CDH13: variants seen among roughly 807,000 people sequenced by gnomAD.
The protein encoded by CDH13 is cadherin-13.
A neutral mutation model predicts 63.8 loss-of-function variants in CDH13; 24 were observed. The ratio of observed to expected loss-of-function variants is 0.38; its 90% CI spans 0.27 to 0.53. The LOEUF (loss-of-function observed/expected upper bound fraction) is 0.53. Ranked by LOEUF, CDH13 falls within the 20% of genes least tolerant of loss-of-function variation. The pLI is 0.85. For missense variants in CDH13, 1,049 were observed against 903.1 expected, an observed-to-expected ratio of 1.16 and a Z score of -2.07; for synonymous variants, 503 against 355.3, an observed-to-expected ratio of 1.42 and a Z score of -4.67.
intron 4 of CDH13, among the ~76,000 whole-genome samples, chr16:83,158,256 G>A (rs375171480): frequency 5.3e-5 from 8 of 152,104 alleles, no homozygotes; most frequent in East Asian, 1.9e-4. Context: ...TATGTTCTTC[G>A]CTTTCTCCTT....
At chr16:83,285,135 T>C (rs882597) in intron 5 of CDH13, among the ~76,000 whole-genome samples, 94,605 of 151,852 alleles carry the variant, frequency 0.62, 29,931 homozygotes, top group South Asian at 0.71. Flanking sequence ...AGGACCAGAG[T>C]ATCGATGTGA....
chr16:83,668,063 G>T lies in CDH13; in HGVS notation c.1102-2727G>T, dbSNP rs113861002. Among the ~76,000 whole-genome samples, 331 of 152,248 alleles carry T rather than the reference G, an allele frequency of 2.2e-3. 2 individuals carry two copies. Among genetic ancestry groups the T allele is most frequent in the African/African-American group, 7.4e-3 (309 of 41,542 alleles). ...CACCAGCCATGACGCAGCTCTGCTG[G>T]AGCACAGGGAAGATCAGTCCATCCC... On this transcript the variant is annotated intron_variant, in intron 8 of 13. Coordinates refer to ENST00000567109, the MANE Select transcript of CDH13 (RefSeq NM_001257.5).
intron 2 of CDH13, among the ~76,000 whole-genome samples, chr16:82,988,345 A>G (rs1329680121): frequency 6.6e-6 from 1 of 152,134 alleles, no homozygotes; most frequent in East Asian, 1.9e-4. Flanking sequence ...TTGGCAAATC[A>G]GTGAAAGATG....
chr16:83,500,293 TCTCC>T (rs1282285830), intron 7 of CDH13, among the ~76,000 whole-genome samples: 56 of 1,798 alleles, frequency 0.031, 5 homozygotes, highest in South Asian at 0.5. Context: ...TTCTTCTTCT[TCTCC>T]TTCTCCTTCT....
At position 83,288,361 on chromosome 16, in the gene CDH13, C is replaced by G. The variant is rs575857180; in HGVS notation, c.637-56501C>G. Among the ~76,000 whole-genome samples, 4 of 152,318 alleles carry G rather than the reference C, an allele frequency of 2.6e-5. No homozygotes were observed. The East Asian group carries it at 5.8e-4, about 22-fold the overall frequency. On this transcript the variant is annotated intron_variant, in intron 5 of 13. Transcript: ENST00000567109. ...ATGGAAGAGCAAAGAGGTTAAATGACTAGCCCAAGGTCTACATGAGGTGGA... is the reference window on the plus strand; with the variant it reads ...ATGGAAGAGCAAAGAGGTTAAATGAGTAGCCCAAGGTCTACATGAGGTGGA...
chr16:83,188,318 G>A (rs1279176467), intron 4 of CDH13, among the ~76,000 whole-genome samples: 1 of 152,218 alleles, frequency 6.6e-6, no homozygotes, highest in East Asian at 1.9e-4. Flanking sequence ...GGTGGTGGAA[G>A]GGGAGAGGCG....
intron 6 of CDH13, among the ~76,000 whole-genome samples, chr16:83,442,817 C>G (rs1301660346): frequency 6.6e-6 from 1 of 152,212 alleles, no homozygotes; most frequent in Non-Finnish European, 1.5e-5. Flanking sequence ...GTGATGTGCA[C>G]TTGGTAATTT....
At chr16:83,029,709 G>A (rs1360883421) in intron 2 of CDH13, among the ~76,000 whole-genome samples, 1 of 152,152 alleles carries the variant, frequency 6.6e-6, no homozygotes, top group African/African-American at 2.4e-5. Flanking sequence ...TGTAGCCTCT[G>A]GGGAAGAGGT....
At chr16:82,748,706 C>G (rs2034285894) in intron 1 of CDH13, among the ~76,000 whole-genome samples, 1 of 152,148 alleles carries the variant, frequency 6.6e-6, no homozygotes, top group Non-Finnish European at 1.5e-5. Flanking sequence ...CAGAATCTAC[C>G]TAGAGAGCTG....
chr16:83,169,772 A>G (rs1217620721), intron 4 of CDH13, among the ~76,000 whole-genome samples: 1 of 152,042 alleles, frequency 6.6e-6, no homozygotes, highest in African/African-American at 2.4e-5. Context: ...GAAATACTGA[A>G]TTTTTAAATC....
At chr16:82,671,968 C>A (rs370924103) in intron 1 of CDH13, among the ~76,000 whole-genome samples, 3 of 152,188 alleles carry the variant, frequency 2.0e-5, no homozygotes, top group East Asian at 3.9e-4. Context: ...TGCCCTCCCC[C>A]TCTTGCCCTG....
At chr16:83,407,285 C>T (rs1210933270) in intron 6 of CDH13, among the ~76,000 whole-genome samples, 2 of 152,150 alleles carry the variant, frequency 1.3e-5, no homozygotes, top group African/African-American at 4.8e-5. Context: ...TACCTCCTGC[C>T]CGTTTATTTG....
At chr16:83,587,946 CT>C (rs72005662) in intron 7 of CDH13, among the ~76,000 whole-genome samples, 5,800 of 144,658 alleles carry the variant, frequency 0.04, 125 homozygotes, top group Middle Eastern at 0.057. Context: ...TCTTATACCT[CT>C]TTTTTTTTTT....
At chr16:83,716,505 TCA>T (rs1908924677) in intron 10 of CDH13, among the ~76,000 whole-genome samples, 1 of 152,056 alleles carries the variant, frequency 6.6e-6, no homozygotes, top group Non-Finnish European at 1.5e-5. Context: ...ATGTCTTGAG[TCA>T]CAGTCTTGCT....
At chr16:83,277,378 T>C (rs2089025393) in intron 5 of CDH13, among the ~76,000 whole-genome samples, 1 of 152,128 alleles carries the variant, frequency 6.6e-6, no homozygotes, top group Non-Finnish European at 1.5e-5. Flanking sequence ...TAAACCATAC[T>C]CCGAACCTAC....
Position 83,742,428 on chromosome 16 carries a change from A to ATT in CDH13, c.1539-5671_1539-5670dup, listed in dbSNP as rs532112469. 1.9e-3 allele frequency among the ~76,000 whole-genome samples: 289 copies of ATT among 150,636 alleles called. 1 individual carries two copies. Among genetic ancestry groups the ATT allele is most frequent in the African/African-American group, 6.7e-3 (277 of 41,058 alleles). On this transcript the variant is annotated intron_variant, in intron 10 of 13. Transcript: ENST00000567109. ...TGAAATGAGCTCAGCTTTTAATTTG[A>ATT]TTTTTTTTTTCCTGTAACAAGCAAA...
At chr16:83,238,572 G>C (rs1904284804) in intron 5 of CDH13, among the ~76,000 whole-genome samples, 1 of 152,172 alleles carries the variant, frequency 6.6e-6, no homozygotes, top group African/African-American at 2.4e-5. Flanking sequence ...GAAACATGTG[G>C]TTGTGTGATG....
At chr16:83,792,726 A>G (rs1013476049) in intron 13 of CDH13, among the ~76,000 whole-genome samples, 2 of 152,094 alleles carry the variant, frequency 1.3e-5, no homozygotes, top group Admixed American at 1.3e-4. Flanking sequence ...AAGTGGAGAC[A>G]TTCTACCACC....
At chr16:82,872,507 C>G (rs1166589385) in intron 2 of CDH13, among the ~76,000 whole-genome samples, 1 of 152,184 alleles carries the variant, frequency 6.6e-6, no homozygotes, top group African/African-American at 2.4e-5. Context: ...AGTAAGGCAT[C>G]AAAATATAAA....
Sources: allele counts gnomAD v4.1 joint callset (sites outside exome capture counted in the v4.1 genomes callset), GRCh38; gene constraint gnomAD v4.1.1; transcripts MANE v1.5; gene names NCBI Gene and HGNC (gene_info 2026-07-23, HGNC 2026-07-21).